SGCD: variants seen among roughly 807,000 people sequenced by gnomAD.
SGCD encodes delta-sarcoglycan.
Under a neutral mutation model 36.6 loss-of-function variants are expected in SGCD, and 18 were observed. The ratio of observed to expected loss-of-function variants is 0.49; its 90% CI spans 0.34 to 0.73. The LOEUF (loss-of-function observed/expected upper bound fraction) is 0.73, where lower values mean the gene tolerates loss of function less well. Among genes scored for constraint, SGCD ranks in the 30% least tolerant of loss-of-function variants. The pLI is 0.01. For synonymous variants in SGCD, 133 were observed against 130.6 expected (o/e 1.02, Z -0.12); for missense variants, 387 against 346.7 (o/e 1.12, Z -0.92).
At chr5:156,283,676 T>A (rs1355864550) in intron 3 of SGCD, among the ~76,000 whole-genome samples, 1 of 152,206 alleles carries the variant, frequency 6.6e-6, no homozygotes, top group Non-Finnish European at 1.5e-5. Flanking sequence ...TTTGAGTATG[T>A]ACCAAAATCA....
intron 1 of SGCD, among the ~76,000 whole-genome samples, chr5:155,907,957 T>C (rs1297577906): frequency 6.6e-6 from 1 of 152,046 alleles, no homozygotes; most frequent in Non-Finnish European, 1.5e-5. Context: ...GCCAACTTCA[T>C]TGTTGTTTAA....
At chr5:156,530,882 T>C (rs1757860631) in intron 4 of SGCD, among the ~76,000 whole-genome samples, 1 of 152,176 alleles carries the variant, frequency 6.6e-6, no homozygotes, top group African/African-American at 2.4e-5. Flanking sequence ...CTGGCCGCCA[T>C]GCTTTATTTC....
intron 3 of SGCD, among the ~76,000 whole-genome samples, chr5:156,291,338 A>C (rs1022510465): frequency 7.2e-5 from 11 of 152,250 alleles, no homozygotes; most frequent in African/African-American, 2.2e-4. Context: ...CATGCTATGC[A>C]TGTAAAAAAC....
At chr5:156,335,137 G>A (rs904045284) in intron 2 of SGCD, among the ~76,000 whole-genome samples, 3 of 152,090 alleles carry the variant, frequency 2.0e-5, no homozygotes, top group African/African-American at 7.2e-5. Context: ...CTAATTCCTG[G>A]TAGAAATATG....
intron 6 of SGCD, among the ~76,000 whole-genome samples, chr5:156,612,880 C>G (rs1761879948): frequency 6.6e-6 from 1 of 152,208 alleles, no homozygotes; most frequent in African/African-American, 2.4e-5. Context: ...AACTGCATGA[C>G]TCAACTCCCC....
rs113861105 is a variant in SGCD at position 156,012,667 on chromosome 5, C to A, written c.-281-105211C>A. ...TCGCTCTGTGGCCCAAGCTGGAGTG[C>A]AGTGGTGGGATCTTGGCTCACTGCA... On this transcript the variant is annotated intron_variant, in intron 1 of 9. Coordinates refer to the SGCD transcript ENST00000517913. Among the ~76,000 whole-genome samples the A allele has an allele frequency of 5.0e-3, 752 of 149,532 alleles. 7 individuals carry two copies. The highest frequency in any genetic ancestry group is 0.017 in the African/African-American group (703 of 40,450).
At chr5:155,734,460 C>T in the SGCD span, among the ~76,000 whole-genome samples, 1 of 151,956 alleles carries the variant, frequency 6.6e-6, no homozygotes, top group Non-Finnish European at 1.5e-5. Context: ...AATCCTCCAT[C>T]CTTGGCCTCG....
chr5:156,397,408 A>G (rs1363024098), intron 3 of SGCD, among the ~76,000 whole-genome samples: 1 of 152,190 alleles, frequency 6.6e-6, no homozygotes, highest in Non-Finnish European at 1.5e-5. Flanking sequence ...GCTATACAAC[A>G]ACAATCCCCA....
At chr5:156,138,343 G>T (rs1762505425) in intron 3 of SGCD, among the ~76,000 whole-genome samples, 1 of 152,232 alleles carries the variant, frequency 6.6e-6, no homozygotes, top group East Asian at 1.9e-4. Context: ...AGAGGTTGCG[G>T]TGAGCTGAGA....
intron 3 of SGCD, among the ~76,000 whole-genome samples, chr5:156,234,325 G>A (rs1765099976): frequency 6.6e-6 from 1 of 152,060 alleles, no homozygotes; most frequent in Admixed American, 6.6e-5. Flanking sequence ...CTCCTAGCCT[G>A]TGGTTTGTCT....
intron 3 of SGCD, among the ~76,000 whole-genome samples, chr5:156,130,772 G>A (rs896137256): frequency 6.6e-6 from 1 of 151,758 alleles, no homozygotes; most frequent in Admixed American, 6.6e-5. Context: ...TGTCACTCAG[G>A]CTGGAGTACA....
intron 4 of SGCD, among the ~76,000 whole-genome samples, chr5:156,581,164 G>T (rs1760239753): frequency 6.6e-6 from 1 of 152,206 alleles, no homozygotes; most frequent in South Asian, 2.1e-4. Flanking sequence ...TCCCTCAGCT[G>T]CAGGTCTTTT....
intron 1 of SGCD, among the ~76,000 whole-genome samples, chr5:155,944,223 C>T (rs1432730): frequency 0.098 from 14,867 of 152,100 alleles, 822 homozygotes; most frequent in South Asian, 0.17. Context: ...TATATACTTA[C>T]TGTAAATTAA....
chr5:155,987,478 C>T (rs1408651951), intron 1 of SGCD, among the ~76,000 whole-genome samples: 2 of 152,160 alleles, frequency 1.3e-5, no homozygotes, highest in Non-Finnish European at 2.9e-5. Flanking sequence ...CTACGAAACC[C>T]ATCTCCCAGT....
At chr5:156,609,081 G>T (rs931453853) in intron 6 of SGCD, among the ~76,000 whole-genome samples, 1 of 151,872 alleles carries the variant, frequency 6.6e-6, no homozygotes, top group African/African-American at 2.4e-5. Flanking sequence ...ATTTGATCCT[G>T]TCATGATGAT....
intron 1 of SGCD, among the ~76,000 whole-genome samples, chr5:156,069,377 G>A (rs1057069676): frequency 6.6e-6 from 1 of 152,076 alleles, no homozygotes; most frequent in African/African-American, 2.4e-5. Flanking sequence ...TTATTAAATA[G>A]GGAATCCTTT....
chr5:156,348,884 A>T (rs1769092255), intron 3 of SGCD, among the ~76,000 whole-genome samples: 1 of 152,124 alleles, frequency 6.6e-6, no homozygotes. Context: ...AAACAGCATA[A>T]TACTGCTATA....
chr5:155,796,309 A>G, the SGCD span, among the ~76,000 whole-genome samples: 1 of 152,078 alleles, frequency 6.6e-6, no homozygotes, highest in Admixed American at 6.6e-5. Flanking sequence ...GGTAGAAAAA[A>G]CCACAAATTG....
chr5:155,943,675 A>G (rs1230477698), intron 1 of SGCD, among the ~76,000 whole-genome samples: 1 of 152,212 alleles, frequency 6.6e-6, no homozygotes, highest in East Asian at 1.9e-4. Flanking sequence ...TGTCAGTAAC[A>G]AATAGTCATC....
Sources: gnomAD v4.1 joint callset for allele counts (sites outside exome capture counted in the v4.1 genomes callset) on GRCh38, gnomAD v4.1.1 for gene constraint, MANE v1.5 for transcripts, NCBI Gene and HGNC (gene_info 2026-07-23, HGNC 2026-07-21) for gene names.